Variants in RAP1GAP2 observed in about 807,000 individuals in gnomAD.
RAP1GAP2 encodes the protein rap1 GTPase-activating protein 2.
In RAP1GAP2, 27 loss-of-function variants were observed where a neutral mutation model predicts 95.0. That is an observed-to-expected ratio of 0.28 (90% CI 0.21 to 0.39). RAP1GAP2 has a LOEUF of 0.39. Ranked by LOEUF, RAP1GAP2 falls within the 10% of genes least tolerant of loss-of-function variation. The pLI is 1.00. For synonymous variants in RAP1GAP2, 373 were observed against 380.9 expected (o/e 0.98, Z 0.24); for missense variants, 771 against 970.0 (o/e 0.79, Z 2.72).
intron 1 of RAP1GAP2, among the ~76,000 whole-genome samples, chr17:2,769,517 T>C (rs1049607877): frequency 6.6e-6 from 1 of 151,108 alleles, no homozygotes; most frequent in Non-Finnish European, 1.5e-5. Context: ...ATCGCGCCAC[T>C]GCACTCCAGC....
chr17:2,836,284 A>C (rs962568326), intron 2 of RAP1GAP2, among the ~76,000 whole-genome samples: 1 of 151,994 alleles, frequency 6.6e-6, no homozygotes, highest in African/African-American at 2.4e-5. Flanking sequence ...AAAAAAAAAG[A>C]AACCAAAAGG....
chr17:2,845,805 G>T (rs1253457516), intron 2 of RAP1GAP2, among the ~76,000 whole-genome samples: 1 of 151,870 alleles, frequency 6.6e-6, no homozygotes, highest in East Asian at 1.9e-4. Context: ...AGGTTTTGGT[G>T]AGCCGAGGTC....
chr17:3,020,875 T>G (rs2046936690), intron 19 of RAP1GAP2, among the ~76,000 whole-genome samples: 1 of 152,220 alleles, frequency 6.6e-6, no homozygotes, highest in Non-Finnish European at 1.5e-5. Context: ...TTTGCCTCCT[T>G]TTTCAACGCT....
Position 2,834,012 on chromosome 17 carries a change from G to A in RAP1GAP2, c.80+33462G>A, listed in dbSNP as rs959550703. ...TCCGCCCAGAGAAGCACTGTCCTCC[G>A]TAAGTCAGGTGGACTCTCGGCCTCT... On this transcript the variant is annotated intron_variant, in intron 2 of 24. Transcript: ENST00000254695. Among the ~76,000 whole-genome samples the A allele has an allele frequency of 3.3e-5, 5 of 152,138 alleles. No homozygotes were observed. The South Asian group carries it at 6.2e-4, about 19-fold the overall frequency.
chr17:2,807,552 G>C (rs1182779491), intron 2 of RAP1GAP2, among the ~76,000 whole-genome samples: 1 of 152,140 alleles, frequency 6.6e-6, no homozygotes, highest in Non-Finnish European at 1.5e-5. Context: ...AAAGGATGGA[G>C]GGGGGCCTCC....
In RAP1GAP2 at chr17:2,919,659, C is replaced by T. The variant is rs574346835; in HGVS notation, c.165+14291C>T. Reference sequence around the variant, plus strand: ...GGTCTGGGCTGATGGTAAAGGTGACCGGCTGCCAGGCCCTCCTTCCTTAGC... The same window carrying T: ...GGTCTGGGCTGATGGTAAAGGTGACTGGCTGCCAGGCCCTCCTTCCTTAGC... On this transcript the variant is annotated intron_variant, in intron 3 of 24. Coordinates refer to ENST00000254695, the MANE Select transcript of RAP1GAP2 (RefSeq NM_015085.5). 1.1e-4 allele frequency among the ~76,000 whole-genome samples: 16 copies of T among 152,190 alleles called. No individual in the cohort carries two copies. The South Asian group carries it at 2.5e-3, about 24-fold the overall frequency.
intron 14 of RAP1GAP2, among the ~76,000 whole-genome samples, chr17:3,002,120 G>T (rs903181290): frequency 2.6e-5 from 4 of 152,036 alleles, no homozygotes; most frequent in Non-Finnish European, 1.5e-5. Context: ...CCACCACCAT[G>T]CCCGGCTAAT....
chr17:2,800,683 T>C (rs2069250725), intron 2 of RAP1GAP2, 133 bp downstream of exon 2: 3 of 966,890 alleles, frequency 3.1e-6, no homozygotes, highest in Non-Finnish European at 4.8e-6. Flanking sequence ...GAGTCCATGG[T>C]GCTTCCAGAT....
intron 3 of RAP1GAP2, among the ~76,000 whole-genome samples, chr17:2,922,611 G>C (rs1034540302): frequency 1.6e-4 from 25 of 152,132 alleles, no homozygotes; most frequent in Non-Finnish European, 7.3e-5. Flanking sequence ...GGAGGACCCA[G>C]TGCAGCTCCA....
chr17:2,876,087 G>A (rs764214998), intron 2 of RAP1GAP2, among the ~76,000 whole-genome samples: 114 of 151,592 alleles, frequency 7.5e-4, no homozygotes, highest in Non-Finnish European at 1.5e-3. Flanking sequence ...ACAGGCACCC[G>A]CCCCCACGCC....
At chr17:2,905,507 T>C (rs2042170669) in intron 3 of RAP1GAP2, 139 bp downstream of exon 3, 3 of 782,962 alleles carry the variant, frequency 3.8e-6, no homozygotes, top group Non-Finnish European at 6.0e-6. Context: ...GAGGAGGTGA[T>C]GTTCAGTTAA....
rs1456915343 is a variant in RAP1GAP2, at chr17:2,906,916, G to T, written c.165+1548G>T. Among the ~76,000 whole-genome samples the T allele has an allele frequency of 6.6e-6, 1 of 152,024 alleles. No individual in the cohort carries two copies. The highest frequency in any genetic ancestry group is 6.6e-5 in the Admixed American group (1 of 15,258). On this transcript the variant is annotated intron_variant, in intron 3 of 24. Transcript: ENST00000254695. The surrounding 1 kb of genome is among the most constrained non-coding windows in gnomAD (Gnocchi z 4.3). ...CTCACTCTGGCTTAGTCATAAAAGG[G>T]TATTTTTTGCCTTTGTAATTGCAAG... is the stretch of plus-strand genomic sequence containing the variant.
At chr17:2,889,889 A>ATATATATATATATATATATATTTTTTTT (rs1408426152) in intron 2 of RAP1GAP2, among the ~76,000 whole-genome samples, 1 of 57,318 alleles carries the variant, frequency 1.7e-5, no homozygotes, top group African/African-American at 7.2e-5. Flanking sequence ...ATATATATAT[A>ATATATATATATATATATATATTTTTTTT]TTTTTTTTTT....
chr17:2,964,098 G>T, intron 7 of RAP1GAP2, 30 bp downstream of exon 7: 4 of 1,571,112 alleles, frequency 2.5e-6, no homozygotes, highest in African/African-American at 1.4e-5. Context: ...GCTGCTGGGG[G>T]TTGGGGGCAG....
chr17:2,767,661 G>A (rs2068303061), intron 1 of RAP1GAP2, among the ~76,000 whole-genome samples: 1 of 151,894 alleles, frequency 6.6e-6, no homozygotes, highest in Non-Finnish European at 1.5e-5. Flanking sequence ...GATAGCACAT[G>A]GGAACACCCT....
intron 1 of RAP1GAP2, among the ~76,000 whole-genome samples, chr17:2,798,903 A>G (rs891706267): frequency 1.3e-5 from 2 of 152,168 alleles, no homozygotes; most frequent in Non-Finnish European, 2.9e-5. Flanking sequence ...CAGCGGTCAG[A>G]GGTGCACGCA....
chr17:3,005,514 A>T lies in RAP1GAP2; in HGVS notation c.1272+74A>T. 1 of 1,505,120 alleles carries T rather than the reference A, an allele frequency of 6.6e-7. No homozygotes were observed. The highest frequency in any genetic ancestry group is 9.3e-7 in the Non-Finnish European group (1 of 1,080,886). 93.2% of individuals were successfully genotyped at this position (1,505,120 alleles called of 1,614,324 possible). A position where few individuals can be genotyped will look rare whatever the true frequency, so the allele number is the denominator to read the frequency against. ...CAGTGCTTGAGTAGCAATGGTTGGGATGGAGCCAAATTCAGGCTGGGAACA... is the reference window on the plus strand; with the variant it reads ...CAGTGCTTGAGTAGCAATGGTTGGGTTGGAGCCAAATTCAGGCTGGGAACA... On this transcript the variant is annotated intron_variant, in intron 15 of 24. Transcript: ENST00000254695. This position sits in a 1 kb window ranked among gnomAD's most constrained non-coding sequence, Gnocchi z 5.2.
At chr17:2,878,050 A>G (rs1015083288) in intron 2 of RAP1GAP2, among the ~76,000 whole-genome samples, 5 of 152,032 alleles carry the variant, frequency 3.3e-5, no homozygotes, top group Non-Finnish European at 7.4e-5. Context: ...TGCTTAATAC[A>G]CTTTCATGGA....
rs2047483579 is a variant in RAP1GAP2, at chr17:3,037,022, A to G, written c.*3661A>G. 1 of 152,660 alleles carries G rather than the reference A, an allele frequency of 6.6e-6. No individual in the cohort carries two copies. Among genetic ancestry groups the G allele is most frequent in the Admixed American group, 6.5e-5 (1 of 15,274 alleles). 9.5% of individuals were successfully genotyped at this position (152,660 alleles called of 1,614,324 possible). A position where few individuals can be genotyped will look rare whatever the true frequency, so the allele number is the denominator to read the frequency against. On this transcript the variant is annotated 3_prime_UTR_variant, in exon 25 of 25. Coordinates refer to ENST00000254695, the MANE Select transcript of RAP1GAP2 (RefSeq NM_015085.5). ...CTCCCCCAGCCTCTAGCTACCCTGT[A>G]TCGAGGCAAGGGGAGGCCAGTAAAG...
Sources: gnomAD v4.1 joint callset for allele counts (sites outside exome capture counted in the v4.1 genomes callset) on GRCh38, gnomAD v4.1.1 for gene constraint, Gnocchi (gnomAD v3.1) non-coding constraint, MANE v1.5 for transcripts, NCBI Gene and HGNC (gene_info 2026-07-23, HGNC 2026-07-21) for gene names.